PARP1: variants seen among roughly 807,000 people sequenced by gnomAD.
PARP1 encodes the protein poly(ADP-ribose) polymerase 1, also known as poly [ADP-ribose] polymerase 1.
Under a neutral mutation model 118.7 loss-of-function variants are expected in PARP1, and 44 were observed. The observed-to-expected ratio is 0.37, with a 90% CI of 0.29 to 0.48. The LOEUF (loss-of-function observed/expected upper bound fraction) is 0.48, where lower values mean the gene tolerates loss of function less well. Ranked by LOEUF, PARP1 falls within the 20% of genes least tolerant of loss-of-function variation. The pLI, the probability that PARP1 is intolerant of heterozygous loss-of-function variation, is 0.99. For missense variants in PARP1, 1,100 were observed against 1,272.4 expected (o/e 0.86, Z 2.06); for synonymous variants, 492 against 483.2 (o/e 1.02, Z -0.24).
At position 226,379,130 on chromosome 1, in the gene PARP1, T is replaced by G; in HGVS notation, c.1745+12A>C. Reference sequence around the variant, plus strand: ...TGTCTCTGCACAACCAGGCTACACCTGCAGAACTCACCTGTTTTCCTTGTC... The same window carrying G: ...TGTCTCTGCACAACCAGGCTACACCGGCAGAACTCACCTGTTTTCCTTGTC... On this transcript the variant is annotated intron_variant, in intron 12 of 22. Transcript: ENST00000366794. The G allele has an allele frequency of 6.2e-7, 1 of 1,614,196 alleles. No homozygotes were observed. Among genetic ancestry groups the G allele is most frequent in the Non-Finnish European group, 8.5e-7 (1 of 1,180,030 alleles).
At chr1:226,371,516 T>G (rs960823036) in intron 14 of PARP1, among the ~76,000 whole-genome samples, 4 of 152,214 alleles carry the variant, frequency 2.6e-5, no homozygotes, top group African/African-American at 7.2e-5. Flanking sequence ...AGCCCTGGCA[T>G]GGGCTTCCCT....
At chr1:226,392,377 C>T in intron 2 of PARP1, 63 bp from the exon 3 acceptor site, 2 of 1,154,026 alleles carry the variant, frequency 1.7e-6, no homozygotes, top group East Asian at 2.3e-5. Flanking sequence ...TCAGAGGAGC[C>T]CCGTCCTCTT....
chr1:226,378,120 C>A (rs1000976726), intron 12 of PARP1, among the ~76,000 whole-genome samples: 1 of 152,022 alleles, frequency 6.6e-6, no homozygotes, highest in Non-Finnish European at 1.5e-5. Flanking sequence ...TTTTTTCTGA[C>A]CCTAACAGCC....
chr1:226,397,758 TA>T (rs1437353930), intron 2 of PARP1, among the ~76,000 whole-genome samples: 5 of 152,126 alleles, frequency 3.3e-5, no homozygotes, highest in African/African-American at 4.8e-5. Context: ...CTACCCAACC[TA>T]AAGACTTACT....
rs759498059 is a variant in PARP1 at position 226,379,620 on chromosome 1, C to T, written c.1565G>A (p.Arg522Lys). Residue 522 changes from arginine to lysine, a missense_variant, in exon 11 of 23, where the codon AGA becomes AAA. By Grantham distance (26) the Arg-to-Lys change is conservative. This residue lies in a region of PARP1 where 948 missense variants were observed against 1,031.8 expected (regional missense o/e 0.92). Transcript: ENST00000366794. ...TCCTCCTTTAAGAGTTAATTTCATT[C>T]TCTTTTCAGATTTGTTGATACCTTG... is the stretch of plus-strand genomic sequence containing the variant. Reference protein sequence around the residue: ...KEEGINKSEKRMKLTLKGGAA... With the variant: ...KEEGINKSEKKMKLTLKGGAA... 5.6e-6 allele frequency: 9 copies of T among 1,612,030 alleles called. No homozygotes were observed. Among genetic ancestry groups the T allele is most frequent in the Admixed American group, 1.7e-5 (1 of 59,972 alleles).
chr1:226,374,498 G>A, intron 13 of PARP1, 144 bp from the exon 14 acceptor site: 1 of 894,476 alleles, frequency 1.1e-6, no homozygotes, highest in East Asian at 2.6e-5. Context: ...AAAAGGTGTG[G>A]AAAACAGTGG....
chr1:226,364,095 T>G, intron 19 of PARP1, 25 bp from the exon 20 acceptor site: 1 of 1,612,932 alleles, frequency 6.2e-7, no homozygotes, highest in East Asian at 2.2e-5. Context: ...AAGGGAGAGC[T>G]GAGAATCTTC....
intron 14 of PARP1, 77 bp downstream of exon 14, chr1:226,374,147 AGG>A: frequency 6.6e-7 from 1 of 1,511,896 alleles, no homozygotes; most frequent in Non-Finnish European, 9.2e-7. Context: ...AAACAAGAAC[AGG>A]CAGACAGCTC....
chr1:226,371,871 TA>T (rs3835704), intron 14 of PARP1, among the ~76,000 whole-genome samples: 84,471 of 152,048 alleles, frequency 0.56, 25,002 homozygotes, highest in Middle Eastern at 0.67. Context: ...ACGCACAGAC[TA>T]AAAATAAGAG....
chr1:226,382,062 C>G (rs1305158759), intron 8 of PARP1, among the ~76,000 whole-genome samples: 1 of 152,198 alleles, frequency 6.6e-6, no homozygotes, highest in African/African-American at 2.4e-5. Flanking sequence ...GCACAGTGGA[C>G]TCGGGATGAC....
At chr1:226,387,865 TGACA>T (rs953435050) in intron 5 of PARP1, among the ~76,000 whole-genome samples, 4 of 152,254 alleles carry the variant, frequency 2.6e-5, no homozygotes, top group East Asian at 1.9e-4. Context: ...TTTTGGTGCA[TGACA>T]GACACTTTTT....
chr1:226,388,064 C>G (rs1466627383), intron 5 of PARP1, among the ~76,000 whole-genome samples: 1 of 152,166 alleles, frequency 6.6e-6, no homozygotes. Context: ...TCCCAGACAT[C>G]CAGCATTTTC....
In PARP1 at chr1:226,368,314, G is replaced by C; in HGVS notation, c.2162C>G (p.Ser721Cys). 6.2e-7 allele frequency: 1 copy of C among 1,614,194 alleles called. No homozygotes were observed. Among genetic ancestry groups the C allele is most frequent in the Non-Finnish European group, 8.5e-7 (1 of 1,180,042 alleles). Residue 721 changes from serine to cysteine, a missense_variant, in exon 16 of 23, where the codon TCT becomes TGT. Coordinates refer to ENST00000366794, the MANE Select transcript of PARP1 (RefSeq NM_001618.4). ...GATCTGAGAGTCGCTGCTGCCCTGA[G>C]ACACCGCCTGGAGAGGAGGGGACAG... ...SILSEVQQAV[S>C]QGSSDSQILD...
At chr1:226,395,178 G>C (rs1664891781) in intron 2 of PARP1, among the ~76,000 whole-genome samples, 1 of 151,772 alleles carries the variant, frequency 6.6e-6, no homozygotes, top group African/African-American at 2.4e-5. Flanking sequence ...CCCTTGTCTT[G>C]CTGGTGGAAA....
chr1:226,380,969 T>G, intron 9 of PARP1, 99 bp downstream of exon 9: 1 of 1,373,374 alleles, frequency 7.3e-7, no homozygotes, highest in Non-Finnish European at 1.0e-6. Context: ...TAAGATCCAG[T>G]TTTTCAGCGC....
chr1:226,366,246 C>G lies in PARP1; in HGVS notation c.2407-194G>C. The G allele has an allele frequency of 5.1e-6, 3 of 590,248 alleles. No homozygotes were observed. The South Asian group carries it at 5.6e-5, about 11-fold the overall frequency. 36.6% of individuals were successfully genotyped at this position (590,248 alleles called of 1,614,324 possible). On this transcript the variant is annotated intron_variant, in intron 17 of 22. Coordinates refer to ENST00000366794, the MANE Select transcript of PARP1 (RefSeq NM_001618.4). ...GTGGCTCCACTTACCTAAGCCTCCA[C>G]CTCTTCATCTACTTGGGCTGCTAGA...
chr1:226,391,480 G>A (rs1664818701), intron 3 of PARP1, among the ~76,000 whole-genome samples: 1 of 152,126 alleles, frequency 6.6e-6, no homozygotes, highest in Non-Finnish European at 1.5e-5. Flanking sequence ...CATAAAACCA[G>A]TAACCCAGCA....
At chr1:226,369,931 G>A (rs1664344252) in intron 15 of PARP1, among the ~76,000 whole-genome samples, 1 of 151,136 alleles carries the variant, frequency 6.6e-6, no homozygotes, top group Non-Finnish European at 1.5e-5. Context: ...ACTCCAGCCT[G>A]GGGGACAGAG....
intron 21 of PARP1, 176 bp from the exon 22 acceptor site, chr1:226,362,259 C>T (rs977825076): frequency 5.2e-6 from 3 of 582,448 alleles, no homozygotes; most frequent in African/African-American, 3.8e-5. Context: ...GACTTCAGCT[C>T]AGTGCAACCT....
Sources: gnomAD v4.1 joint callset for allele counts (sites outside exome capture counted in the v4.1 genomes callset) on GRCh38, gnomAD v4.1.1 for gene constraint, gnomAD v4.1.1 regional missense constraint, MANE v1.5 for transcripts, NCBI Gene and HGNC (gene_info 2026-07-23, HGNC 2026-07-21) for gene names.